Variants in THSD7B observed in about 807,000 individuals in gnomAD.
THSD7B encodes the protein thrombospondin type-1 domain-containing protein 7B.
A neutral mutation model predicts 213.6 loss-of-function variants in THSD7B; 138 were observed. The observed-to-expected ratio is 0.65, with a 90% CI of 0.56 to 0.74. THSD7B has a LOEUF of 0.74. Ranked by LOEUF, THSD7B falls within the 30% of genes least tolerant of loss-of-function variation. The pLI is 0.00. For missense variants in THSD7B, 1,931 were observed against 1,991.5 expected, an observed-to-expected ratio of 0.97 and a Z score of 0.58; for synonymous variants, 742 against 687.0, an observed-to-expected ratio of 1.08 and a Z score of -1.25.
chr2:137,284,632 T>C (rs938056387), intron 12 of THSD7B, among the ~76,000 whole-genome samples: 1 of 152,184 alleles, frequency 6.6e-6, no homozygotes, highest in Non-Finnish European at 1.5e-5. Flanking sequence ...AGAACATCTT[T>C]ATTTCTGCCT....
intron 2 of THSD7B, among the ~76,000 whole-genome samples, chr2:136,969,400 C>G (rs1685369911): frequency 6.6e-6 from 1 of 152,132 alleles, no homozygotes; most frequent in Admixed American, 6.5e-5. Context: ...GTTAGTTGCT[C>G]CAGTGTCTTT....
At chr2:136,979,643 T>C (rs904052796) in intron 2 of THSD7B, among the ~76,000 whole-genome samples, 2 of 152,224 alleles carry the variant, frequency 1.3e-5, no homozygotes, top group Non-Finnish European at 2.9e-5. Context: ...TTTATGTTTC[T>C]CTCTAAACTG....
At chr2:137,262,576 T>G (rs1219255461) in intron 10 of THSD7B, among the ~76,000 whole-genome samples, 2 of 152,216 alleles carry the variant, frequency 1.3e-5, no homozygotes, top group East Asian at 3.9e-4. Context: ...TACTGCACAA[T>G]TCCAATCATA....
At position 136,868,963 on chromosome 2, in the gene THSD7B, G is replaced by C. The variant is rs932239711; in HGVS notation, c.-35-13181G>C. 2.6e-5 allele frequency among the ~76,000 whole-genome samples: 4 copies of C among 152,032 alleles called. No individual in the cohort carries two copies. The South Asian group carries it at 8.3e-4, about 32-fold the overall frequency. ...AGAAGGTAAGGTTTTCAAATGGAAC[G>C]TATTTTCTTTTTATAATTAACCTAA... is the stretch of plus-strand genomic sequence containing the variant. On this transcript the variant is annotated intron_variant, in intron 1 of 27. Coordinates refer to ENST00000409968, the MANE Select transcript of THSD7B (RefSeq NM_001316349.2).
intron 12 of THSD7B, among the ~76,000 whole-genome samples, chr2:137,308,613 T>C (rs1683813466): frequency 6.6e-6 from 1 of 152,134 alleles, no homozygotes; most frequent in Non-Finnish European, 1.5e-5. Context: ...ATAATTTTTT[T>C]CTGTTTTCAA....
At position 137,277,290 on chromosome 2, in the gene THSD7B, A is replaced by G. The variant is rs1267002500; in HGVS notation, c.2500+1264A>G. ...CAAGATATTTCATATTTTCTAGAATATGAAATCTCTTTGGATTTCAATATA... is the reference window on the plus strand; with the variant it reads ...CAAGATATTTCATATTTTCTAGAATGTGAAATCTCTTTGGATTTCAATATA... On this transcript the variant is annotated intron_variant, in intron 12 of 27. Transcript: ENST00000409968. Among the ~76,000 whole-genome samples, 3 of 152,084 alleles carry G rather than the reference A, an allele frequency of 2.0e-5. No homozygotes were observed. In the South Asian group the frequency reaches 6.2e-4, roughly 31 times the overall value.
chr2:137,395,814 A>G (rs1191860628), intron 12 of THSD7B, among the ~76,000 whole-genome samples: 1 of 149,930 alleles, frequency 6.7e-6, no homozygotes, highest in South Asian at 2.1e-4. Context: ...TGGTTGGTAA[A>G]CTATTGATTA....
chr2:137,570,912 G>C (rs1422371957), intron 16 of THSD7B, among the ~76,000 whole-genome samples: 2 of 152,106 alleles, frequency 1.3e-5, no homozygotes, highest in Admixed American at 6.5e-5. Flanking sequence ...GCTAGCAAAA[G>C]ATATTTTCAC....
intron 12 of THSD7B, among the ~76,000 whole-genome samples, chr2:137,290,971 C>T (rs1683322785): frequency 6.6e-6 from 1 of 152,150 alleles, no homozygotes; most frequent in Non-Finnish European, 1.5e-5. Context: ...CCAAGGTCAT[C>T]TGTGTAGAGT....
intron 12 of THSD7B, among the ~76,000 whole-genome samples, chr2:137,375,794 G>A (rs1375967802): frequency 2.0e-5 from 3 of 152,182 alleles, no homozygotes; most frequent in African/African-American, 7.2e-5. Flanking sequence ...AGCACCTTGA[G>A]AGAGTCTATG....
intron 2 of THSD7B, among the ~76,000 whole-genome samples, chr2:137,016,654 T>A (rs6717694): frequency 0.024 from 3,685 of 152,252 alleles, 187 homozygotes; most frequent in African/African-American, 0.084. Context: ...CTTTCCATAT[T>A]TGGGCCAGGG....
chr2:137,126,841 G>T (rs905975278), intron 5 of THSD7B, among the ~76,000 whole-genome samples: 1 of 152,074 alleles, frequency 6.6e-6, no homozygotes, highest in African/African-American at 2.4e-5. Context: ...AGAAGTCATG[G>T]TAGGGTTATT....
intron 3 of THSD7B, among the ~76,000 whole-genome samples, chr2:137,078,424 A>C (rs1328726074): frequency 6.6e-6 from 1 of 152,200 alleles, no homozygotes; most frequent in Non-Finnish European, 1.5e-5. Flanking sequence ...TTTCAAATTC[A>C]TTTGCATAGA....
intron 2 of THSD7B, among the ~76,000 whole-genome samples, chr2:136,917,385 G>A (rs1463446839): frequency 6.6e-6 from 1 of 152,154 alleles, no homozygotes; most frequent in African/African-American, 2.4e-5. Flanking sequence ...GAATGGATGG[G>A]GCTGATCGTT....
rs374133777 is a variant in THSD7B at position 137,170,731 on chromosome 2, C to T, written c.1526-10C>T. 1 of 1,601,446 alleles carries T rather than the reference C, an allele frequency of 6.2e-7. No individual in the cohort carries two copies. Among genetic ancestry groups the T allele is most frequent in the South Asian group, 1.1e-5 (1 of 90,040 alleles). On this transcript the variant is annotated splice_polypyrimidine_tract_variant and intron_variant, in intron 6 of 27. Transcript: ENST00000409968. ...GAATTCTCTGAAAATTCTTTTCTCTCTCTTTTTAGGATTTAGAACGAGGCA... is the reference window on the plus strand; with the variant it reads ...GAATTCTCTGAAAATTCTTTTCTCTTTCTTTTTAGGATTTAGAACGAGGCA...
At chr2:137,553,206 T>C (rs75706753) in intron 15 of THSD7B, among the ~76,000 whole-genome samples, 2,102 of 152,282 alleles carry the variant, frequency 0.014, 48 homozygotes, top group African/African-American at 0.046. Context: ...GGTCTCAAGC[T>C]TGAAGACATC....
At chr2:137,196,376 G>GTTT (rs60814872) in intron 7 of THSD7B, among the ~76,000 whole-genome samples, 7 of 99,974 alleles carry the variant, frequency 7.0e-5, no homozygotes, top group African/African-American at 2.7e-4. Flanking sequence ...AAAACCTGCT[G>GTTT]TTTTTTTTTT....
chr2:137,446,792 T>C (rs1312881815), intron 14 of THSD7B, among the ~76,000 whole-genome samples: 1 of 152,022 alleles, frequency 6.6e-6, no homozygotes, highest in East Asian at 1.9e-4. Flanking sequence ...GATGTGTGAG[T>C]GTTGCCGTGA....
Position 137,293,034 on chromosome 2 carries a change from G to A in THSD7B, c.2500+17008G>A, listed in dbSNP as rs1229891850. Among the ~76,000 whole-genome samples, 3 of 152,102 alleles carry A rather than the reference G, an allele frequency of 2.0e-5. No homozygotes were observed. In the East Asian group the frequency reaches 5.8e-4, roughly 29 times the overall value. On this transcript the variant is annotated intron_variant, in intron 12 of 27. Transcript: ENST00000409968. ...CATGATTTCCCAGCCATTGCTTAAG[G>A]CACTAGTTTCCTGGATTTTGAATAT...
Sources: gnomAD v4.1 joint callset for allele counts (sites outside exome capture counted in the v4.1 genomes callset) on GRCh38, gnomAD v4.1.1 for gene constraint, MANE v1.5 for transcripts, NCBI Gene and HGNC (gene_info 2026-07-23, HGNC 2026-07-21) for gene names.